Variants in INTU observed in about 807,000 individuals in gnomAD.
INTU encodes protein inturned.
A neutral mutation model predicts 100.5 loss-of-function variants in INTU; 68 were observed. That is an observed-to-expected ratio of 0.68 (90% CI 0.56 to 0.83). The LOEUF is 0.83. INTU is among the 40% of genes least tolerant of loss of function. The pLI is 0.00. For synonymous variants in INTU, 357 were observed against 395.7 expected (o/e 0.90, Z 1.16); for missense variants, 1,071 against 1,114.7 (o/e 0.96, Z 0.56).
At chr4:127,667,233 G>A (rs1199080349) in intron 4 of INTU, among the ~76,000 whole-genome samples, 2 of 151,730 alleles carry the variant, frequency 1.3e-5, no homozygotes, top group Non-Finnish European at 2.9e-5. Flanking sequence ...AAAAGAACAG[G>A]TTTCTGTCTG....
chr4:127,680,716 G>C (rs963443329), intron 6 of INTU, among the ~76,000 whole-genome samples: 1,758 of 146,766 alleles, frequency 0.012, 15 homozygotes, highest in South Asian at 0.039. Flanking sequence ...GTCTCTCACC[G>C]CTCCTATTCA....
At chr4:127,637,310 C>T (rs1253024104) in intron 1 of INTU, among the ~76,000 whole-genome samples, 1 of 152,204 alleles carries the variant, frequency 6.6e-6, no homozygotes, top group Non-Finnish European at 1.5e-5. Flanking sequence ...CTACTCTACT[C>T]AAAAGTTTGG....
chr4:127,668,947 G>A (rs927607209), intron 4 of INTU, 89 bp from the exon 5 acceptor site: 2 of 575,626 alleles, frequency 3.5e-6, no homozygotes, highest in South Asian at 5.8e-5. Context: ...TTCATTTTTT[G>A]TTCTTTTCTT....
rs1229986414 is a variant in INTU at position 127,663,392 on chromosome 4, A to G, written c.780A>G (p.Thr260=). The change falls in exon 4 of 16, where the codon ACA becomes ACG. Residue 260 remains threonine (T), a synonymous_variant. Transcript: ENST00000335251. ...TTTAATTTTTAAAGGTGAAACTGAC[A>G]TTTGAAAATGCATATGATGTGAAAA... ...CIPGPMQVKL[T]FENAYDVKRE... is the part of the protein sequence containing the mutation. 3 of 1,612,144 alleles carry G rather than the reference A, an allele frequency of 1.9e-6. No homozygotes were observed. In the South Asian group the frequency reaches 3.3e-5, roughly 18 times the overall value.
intron 2 of INTU, among the ~76,000 whole-genome samples, chr4:127,650,725 G>C (rs1331558616): frequency 4.0e-5 from 6 of 151,192 alleles, no homozygotes; most frequent in African/African-American, 1.5e-4. Context: ...TAGTCCTTTG[G>C]GTATATACCC....
chr4:127,710,894 G>T lies in INTU; in HGVS notation c.2370-19G>T. On this transcript the variant is annotated intron_variant, in intron 13 of 15. Coordinates refer to ENST00000335251, the MANE Select transcript of INTU (RefSeq NM_015693.4). ...CTAAAATTTCTTTTTTCTTCTCTTT[G>T]ATTTTTTTTCTTTTTAAGACTGACA... The T allele has an allele frequency of 5.0e-6, 7 of 1,403,408 alleles. No homozygotes were observed. The highest frequency in any genetic ancestry group is 6.6e-6 in the Non-Finnish European group (7 of 1,063,720). The allele number at this position is 1,403,408 out of a possible 1,614,324, so 86.9% of individuals were successfully genotyped here.
intron 6 of INTU, 87 bp downstream of exon 6, chr4:127,674,300 A>G: frequency 9.6e-7 from 1 of 1,037,578 alleles, no homozygotes; most frequent in Non-Finnish European, 1.4e-6. Flanking sequence ...TTGTCAAAAG[A>G]CAAACTCCTT....
At chr4:127,641,555 C>G (rs1727333616) in intron 1 of INTU, among the ~76,000 whole-genome samples, 1 of 152,092 alleles carries the variant, frequency 6.6e-6, no homozygotes, top group African/African-American at 2.4e-5. Context: ...CCCTGATCTC[C>G]CCTCAACCTC....
At chr4:127,705,523 T>C in intron 10 of INTU, 68 bp from the exon 11 acceptor site, 2 of 1,181,834 alleles carry the variant, frequency 1.7e-6, no homozygotes, top group Non-Finnish European at 2.5e-6. Context: ...TATGAAACTC[T>C]TAGAAATATT....
chr4:127,657,066 G>C (rs1303983473), intron 3 of INTU, among the ~76,000 whole-genome samples: 1 of 151,930 alleles, frequency 6.6e-6, no homozygotes, highest in Non-Finnish European at 1.5e-5. Context: ...GGAGTTTTCT[G>C]TTCTCTGACT....
At chr4:127,714,126 G>A (rs751363616) in intron 15 of INTU, 33 bp downstream of exon 15, 2 of 1,572,874 alleles carry the variant, frequency 1.3e-6, no homozygotes, top group Non-Finnish European at 1.7e-6. Flanking sequence ...TGAAAGTAAA[G>A]TGTTAGAAAA....
At chr4:127,671,350 G>A (rs567775045) in intron 5 of INTU, among the ~76,000 whole-genome samples, 4 of 151,774 alleles carry the variant, frequency 2.6e-5, no homozygotes, top group Non-Finnish European at 4.4e-5. Flanking sequence ...AATGGATAAC[G>A]TGCATATGAA....
At chr4:127,695,787 T>TA (rs1730357299) in intron 8 of INTU, among the ~76,000 whole-genome samples, 1 of 152,170 alleles carries the variant, frequency 6.6e-6, no homozygotes, top group African/African-American at 2.4e-5. Flanking sequence ...TCTTAGGAAA[T>TA]ATCTCATTTC....
chr4:127,691,925 G>T (rs1215433863), intron 8 of INTU, among the ~76,000 whole-genome samples: 3 of 123,502 alleles, frequency 2.4e-5, no homozygotes, highest in South Asian at 2.9e-4. Flanking sequence ...CCATTATTTT[G>T]TTCCTTTTTA....
At chr4:127,702,192 T>C (rs138031597) in intron 9 of INTU, among the ~76,000 whole-genome samples, 25 of 146,504 alleles carry the variant, frequency 1.7e-4, no homozygotes, top group Admixed American at 1.6e-3. Flanking sequence ...TTAGATACAG[T>C]AAAAAAAAAA....
Position 127,644,007 on chromosome 4 carries a change from T to C in INTU, c.633T>C (p.His211=). The C allele has an allele frequency of 1.2e-6, 2 of 1,614,184 alleles. No individual in the cohort carries two copies. The highest frequency in any genetic ancestry group is 2.2e-5 in the East Asian group (1 of 44,888). The change falls in exon 2 of 16, where the codon CAT becomes CAC. Residue 211 remains histidine, a synonymous_variant. Transcript: ENST00000335251. ...KQGDGERLVV[H]GLLPGGSAMK... is the part of the protein sequence containing the mutation. ...GTGATGGAGAGAGGCTTGTGGTTCATGGCCTGCTGCCAGGGGGATCTGCTA... is the reference window on the plus strand; with the variant it reads ...GTGATGGAGAGAGGCTTGTGGTTCACGGCCTGCTGCCAGGGGGATCTGCTA...
At chr4:127,655,772 C>G (rs1728172998) in intron 2 of INTU, among the ~76,000 whole-genome samples, 1 of 152,254 alleles carries the variant, frequency 6.6e-6, no homozygotes, top group South Asian at 2.1e-4. Context: ...TTCCTGGCTG[C>G]TATGTTTACC....
At position 127,643,652 on chromosome 4, in the gene INTU, A is replaced by C. The variant is rs1397170494; in HGVS notation, c.278A>C (p.Asn93Thr). 6.2e-7 allele frequency: 1 copy of C among 1,613,818 alleles called. No homozygotes were observed. Among genetic ancestry groups the C allele is most frequent in the Non-Finnish European group, 8.5e-7 (1 of 1,179,974 alleles). The change falls in exon 2 of 16, where the codon AAT (asparagine) becomes ACT (threonine). Residue 93 changes from asparagine to threonine, a missense_variant. Transcript: ENST00000335251. ...GTGAACCATGTCAGGTTCAGTGAAA[A>C]TGAGATTATCATTGAAGATGACTAC... ...PTVNHVRFSE[N>T]EIIIEDDYKE...
At chr4:127,662,956 T>G (rs1277356950) in intron 3 of INTU, among the ~76,000 whole-genome samples, 1 of 152,156 alleles carries the variant, frequency 6.6e-6, no homozygotes, top group Non-Finnish European at 1.5e-5. Flanking sequence ...GTGAAGTCAC[T>G]CTTAATGCTG....
Sources: allele counts gnomAD v4.1 joint callset (sites outside exome capture counted in the v4.1 genomes callset), GRCh38; gene constraint gnomAD v4.1.1; transcripts MANE v1.5; gene names NCBI Gene and HGNC (gene_info 2026-07-23, HGNC 2026-07-21).